The following GRIA4 variants were observed in gnomAD, a reference collection of about 807,000 sequenced individuals.
GRIA4 encodes the protein glutamate ionotropic receptor AMPA type subunit 4, also known as glutamate receptor 4.
A neutral mutation model predicts 104.0 loss-of-function variants in GRIA4; 34 were observed. The observed-to-expected ratio is 0.33, with a 90% CI of 0.25 to 0.44. GRIA4 has a LOEUF of 0.44. Ranked by LOEUF, GRIA4 falls within the 20% of genes least tolerant of loss-of-function variation. The pLI is 1.00. For missense variants in GRIA4, 750 were observed against 1,096.5 expected (o/e 0.68, Z 4.46); for synonymous variants, 386 against 381.9 (o/e 1.01, Z -0.13).
At position 105,970,326 on chromosome 11, in the gene GRIA4, C is replaced by CAA. The variant is rs143994103; in HGVS notation, c.2295-1580_2295-1579dup. ...AGAATTTTTTTCAAAACTAACCATA[C>CAA]AAAAAAAAATGGGTTTTAGTTTAAC... is the stretch of plus-strand genomic sequence containing the variant. On this transcript the variant is annotated intron_variant, in intron 14 of 16. Transcript: ENST00000282499. Among the ~76,000 whole-genome samples, 40 of 150,016 alleles carry CAA rather than the reference C, an allele frequency of 2.7e-4. 1 individual carries two copies. The South Asian group carries it at 7.2e-3, about 27-fold the overall frequency.
chr11:105,667,218 C>T (rs535410982), intron 3 of GRIA4, among the ~76,000 whole-genome samples: 6 of 151,882 alleles, frequency 4.0e-5, no homozygotes, highest in East Asian at 1.9e-4. Context: ...TTACCATTTA[C>T]GAAGATACCC....
intron 3 of GRIA4, among the ~76,000 whole-genome samples, chr11:105,656,942 A>T (rs1445550057): frequency 2.0e-5 from 3 of 152,080 alleles, no homozygotes; most frequent in Admixed American, 6.6e-5. Context: ...AATAACATAC[A>T]TTAAAGGTAC....
intron 4 of GRIA4, among the ~76,000 whole-genome samples, chr11:105,794,473 GTATATATATATATATATATATATA>G (rs71041629): frequency 6.8e-5 from 3 of 43,884 alleles, no homozygotes; most frequent in African/African-American, 3.0e-4. Context: ...GTATATGTAT[GTATATATATATATATATATATATA>G]TATATATATA....
intron 4 of GRIA4, among the ~76,000 whole-genome samples, chr11:105,804,871 G>A (rs537286330): frequency 2.6e-5 from 4 of 151,810 alleles, no homozygotes; most frequent in African/African-American, 9.7e-5. Context: ...TAAATGACTG[G>A]AACACAGCAG....
chr11:105,713,243 C>T (rs1047936126), intron 3 of GRIA4, among the ~76,000 whole-genome samples: 3 of 151,786 alleles, frequency 2.0e-5, no homozygotes, highest in Admixed American at 6.6e-5. Flanking sequence ...ATTAGCTGGG[C>T]GTCGTGGTGC....
intron 3 of GRIA4, among the ~76,000 whole-genome samples, chr11:105,634,466 AGG>A (rs1491138093): frequency 0.011 from 1,183 of 103,876 alleles, 12 homozygotes; most frequent in African/African-American, 0.03. Flanking sequence ...AAAGAAAGAA[AGG>A]GAAAGAAAGA....
At chr11:105,823,090 C>A (rs562964815) in intron 4 of GRIA4, among the ~76,000 whole-genome samples, 1 of 152,204 alleles carries the variant, frequency 6.6e-6, no homozygotes, top group African/African-American at 2.4e-5. Flanking sequence ...TCATATTTCC[C>A]CATTAATCTT....
intron 4 of GRIA4, among the ~76,000 whole-genome samples, chr11:105,765,143 C>CA (rs1305501423): frequency 6.6e-6 from 1 of 152,018 alleles, no homozygotes; most frequent in Non-Finnish European, 1.5e-5. Flanking sequence ...CGTATAATAT[C>CA]AAAAAATGAA....
chr11:105,884,711 C>A (rs1046837415), intron 5 of GRIA4, among the ~76,000 whole-genome samples: 2 of 152,130 alleles, frequency 1.3e-5, no homozygotes, highest in African/African-American at 4.8e-5. Context: ...TTGTCCCTTT[C>A]AGTTCTTTGT....
chr11:105,881,626 C>T (rs1946063469), intron 5 of GRIA4, among the ~76,000 whole-genome samples: 1 of 151,986 alleles, frequency 6.6e-6, no homozygotes, highest in African/African-American at 2.4e-5. Flanking sequence ...TCTCTCCGTC[C>T]TCCAAAAAAG....
intron 14 of GRIA4, among the ~76,000 whole-genome samples, chr11:105,968,244 AG>A (rs1858495458): frequency 6.6e-6 from 1 of 152,200 alleles, no homozygotes; most frequent in South Asian, 2.1e-4. Context: ...TCTGTGAGAG[AG>A]CTGACTCACT....
At chr11:105,730,189 A>T (rs1439624452) in intron 3 of GRIA4, among the ~76,000 whole-genome samples, 1 of 152,200 alleles carries the variant, frequency 6.6e-6, no homozygotes, top group African/African-American at 2.4e-5. Flanking sequence ...AAGTCTCAGG[A>T]TACAAAATCA....
chr11:105,697,436 C>T (rs1953322198), intron 3 of GRIA4, among the ~76,000 whole-genome samples: 1 of 152,176 alleles, frequency 6.6e-6, no homozygotes, highest in South Asian at 2.1e-4. Context: ...GAGCCTGACT[C>T]TGCTAAAAGG....
At chr11:105,815,110 T>C (rs892837951) in intron 4 of GRIA4, among the ~76,000 whole-genome samples, 2 of 152,174 alleles carry the variant, frequency 1.3e-5, no homozygotes, top group East Asian at 1.9e-4. Context: ...TATTGAGAGA[T>C]AGAGTGACAG....
chr11:105,643,628 G>A (rs754556532), intron 3 of GRIA4, among the ~76,000 whole-genome samples: 3 of 152,200 alleles, frequency 2.0e-5, no homozygotes, highest in Non-Finnish European at 4.4e-5. Flanking sequence ...CTACTCAGTG[G>A]TTATAGAAAA....
In GRIA4 at chr11:105,926,032, G is replaced by A. The variant is rs184158764; in HGVS notation, c.1848-709G>A. 3.4e-4 allele frequency among the ~76,000 whole-genome samples: 51 copies of A among 152,030 alleles called. No individual in the cohort carries two copies. In the South Asian group the frequency reaches 5.6e-3, roughly 17 times the overall value. On this transcript the variant is annotated intron_variant, in intron 12 of 16. Coordinates refer to ENST00000282499, the MANE Select transcript of GRIA4 (RefSeq NM_000829.4). Reference sequence around the variant, plus strand: ...AGAAAGAGTGAAAAGAGAGAAAATCGTATATGAGTGTGTAAAGATAACTTT... The same window carrying A: ...AGAAAGAGTGAAAAGAGAGAAAATCATATATGAGTGTGTAAAGATAACTTT...
chr11:105,980,783 T>C lies in GRIA4; in HGVS notation c.*1044T>C, dbSNP rs1859224475. On this transcript the variant is annotated 3_prime_UTR_variant, in exon 17 of 17. Coordinates refer to ENST00000282499, the MANE Select transcript of GRIA4 (RefSeq NM_000829.4). Reference sequence around the variant, plus strand: ...AGAAATTATAAGACTATAAGAGAGATTGTATTAGTGGTGGGCCATAGTGGA... The same window carrying C: ...AGAAATTATAAGACTATAAGAGAGACTGTATTAGTGGTGGGCCATAGTGGA... 1 of 152,588 alleles carries C rather than the reference T, an allele frequency of 6.6e-6. No individual in the cohort carries two copies. The highest frequency in any genetic ancestry group is 1.5e-5 in the Non-Finnish European group (1 of 68,036). The allele number at this position is 152,588 out of a possible 1,614,324, so 9.5% of individuals were successfully genotyped here.
At chr11:105,736,625 A>C (rs1277190231) in intron 3 of GRIA4, among the ~76,000 whole-genome samples, 1 of 152,040 alleles carries the variant, frequency 6.6e-6, no homozygotes, top group African/African-American at 2.4e-5. Context: ...ATACTGCATA[A>C]ATTATTTTAC....
At chr11:105,955,068 G>A (rs1353314359) in intron 14 of GRIA4, among the ~76,000 whole-genome samples, 1 of 151,736 alleles carries the variant, frequency 6.6e-6, no homozygotes, top group African/African-American at 2.4e-5. Context: ...ATTTAATTAA[G>A]GGTGAGAATT....
Sources: gnomAD v4.1 joint callset for allele counts (sites outside exome capture counted in the v4.1 genomes callset) on GRCh38, gnomAD v4.1.1 for gene constraint, MANE v1.5 for transcripts, NCBI Gene and HGNC (gene_info 2026-07-23, HGNC 2026-07-21) for gene names.